AMER3: variants seen among roughly 807,000 people sequenced by gnomAD.
AMER3 encodes the protein APC membrane recruitment protein 3.
For missense variants in AMER3, 1,201 were observed against 1,139.4 expected (o/e 1.05, Z -0.78); for synonymous variants, 541 against 485.5 (o/e 1.11, Z -1.50).
At chr2:130,756,644 T>C (rs1678618845) in intron 1 of AMER3, among the ~76,000 whole-genome samples, 1 of 152,100 alleles carries the variant, frequency 6.6e-6, no homozygotes, top group South Asian at 2.1e-4. Flanking sequence ...AATATCGCTG[T>C]GAGGCCCATC....
Position 130,763,937 on chromosome 2 carries a change from C to T in AMER3, c.1865C>T (p.Ser622Leu), listed in dbSNP as rs541254437. The stretch of plus-strand genomic sequence containing the variant: ...TCCTCTATGGAGTCTGCAGCCACTT[C>T]GACAACAGATACTTCCGGTAAAAAT... ...LFSSMESAAT[S>L]TTDTSGKNKA... Residue 622 changes from serine (S) to leucine (L), a missense_variant, in exon 2 of 2, where the codon TCG becomes TTG. Coordinates refer to ENST00000321420, the MANE Select transcript of AMER3 (RefSeq NM_152698.3). The T allele has an allele frequency of 3.3e-5, 54 of 1,613,784 alleles. No homozygotes were observed. The highest frequency in any genetic ancestry group is 6.7e-5 in the African/African-American group (5 of 75,062).
Position 130,762,315 on chromosome 2 carries a change from C to A in AMER3, c.243C>A (p.Leu81=). The change falls in exon 2 of 2, where the codon CTC becomes CTA. Residue 81 remains leucine, a synonymous_variant. Transcript: ENST00000321420. ...QLDPKGGPAA[L]CGATFKPVRK... ...ACCCCAAAGGGGGACCCGCAGCCCT[C>A]TGTGGAGCCACCTTCAAACCGGTGC... 6.2e-7 allele frequency: 1 copy of A among 1,607,716 alleles called. No individual in the cohort carries two copies. Among genetic ancestry groups the A allele is most frequent in the Non-Finnish European group, 8.5e-7 (1 of 1,177,626 alleles).
At chr2:130,756,167 C>T (rs1443754565) in intron 1 of AMER3, 1 of 147,886 alleles carries the variant, frequency 6.8e-6, no homozygotes, top group African/African-American at 2.4e-5. Context: ...AGCGCCGGCC[C>T]GCCCCTCCCG....
chr2:130,759,734 G>C (rs537526104), intron 1 of AMER3, among the ~76,000 whole-genome samples: 2 of 152,328 alleles, frequency 1.3e-5, no homozygotes. Context: ...TTTATAGACT[G>C]TCAGGTTCAG....
Position 130,764,124 on chromosome 2 carries a change from G to A in AMER3, c.2052G>A (p.Lys684=), listed in dbSNP as rs767369230. Residue 684 remains lysine (K), a synonymous_variant, in exon 2 of 2, where the codon AAG becomes AAA. Transcript: ENST00000321420. ...AGCVARVAAL[K]ISSNEQPPAA... is the part of the protein sequence containing the mutation. ...GTGTGGCCCGTGTGGCAGCCCTGAA[G>A]ATCAGCTCAAACGAACAGCCCCCGG... is the stretch of plus-strand genomic sequence containing the variant. 4.3e-5 allele frequency: 70 copies of A among 1,611,968 alleles called. No homozygotes were observed. The highest frequency in any genetic ancestry group is 1.6e-4 in the Middle Eastern group (1 of 6,072).
rs946669359 is a variant in AMER3, at chr2:130,764,144, C to A, written c.2072C>A (p.Pro691His). The A allele has an allele frequency of 1.9e-6, 3 of 1,610,748 alleles. No individual in the cohort carries two copies. The highest frequency in any genetic ancestry group is 2.5e-6 in the Non-Finnish European group (3 of 1,178,542). ...CTGAAGATCAGCTCAAACGAACAGC[C>A]CCCGGCCGCATGGCCTCCAAGGCAA... Reference protein sequence around the residue: ...AALKISSNEQPPAAWPPRQDM... With the variant: ...AALKISSNEQHPAAWPPRQDM... The change falls in exon 2 of 2, where the codon CCC becomes CAC. Residue 691 changes from proline (P) to histidine (H), a missense_variant. By Grantham distance (77) the Pro-to-His change is moderately conservative (BLOSUM62 -2). Transcript: ENST00000321420.
chr2:130,758,227 G>T (rs1456330610), intron 1 of AMER3, among the ~76,000 whole-genome samples: 1 of 152,084 alleles, frequency 6.6e-6, no homozygotes, highest in Non-Finnish European at 1.5e-5. Context: ...AACTGGGCGT[G>T]GTGGTGCGTG....
chr2:130,761,340 C>A (rs1319822768), intron 1 of AMER3, among the ~76,000 whole-genome samples: 1 of 152,244 alleles, frequency 6.6e-6, no homozygotes, highest in African/African-American at 2.4e-5. Context: ...CATGGCACTG[C>A]AGGCATCAGT....
In AMER3 at chr2:130,763,896, C is replaced by T. The variant is rs982735094; in HGVS notation, c.1824C>T (p.His608=). ...CTCGAGAGGAAGAGACACGAGGTCA[C>T]TCTGAAGGCTTGTTCTCCTCTATGG... ...DASREEETRG[H]SEGLFSSMES... The change falls in exon 2 of 2, where the codon CAC becomes CAT. Residue 608 remains histidine (H), a synonymous_variant. Transcript: ENST00000321420. 1.9e-6 allele frequency: 3 copies of T among 1,613,488 alleles called. No homozygotes were observed. In the African/African-American group the frequency reaches 4.0e-5, roughly 22 times the overall value.
At chr2:130,756,164 GCCCGCCCCTCCCGCT>G (rs1246862565) in intron 1 of AMER3, 3 of 147,840 alleles carry the variant, frequency 2.0e-5, no homozygotes, top group African/African-American at 4.9e-5. Context: ...GCCAGCGCCG[GCCCGCCCCTCCCGCT>G]GGCCTCTGGC....
intron 1 of AMER3, 146 bp from the exon 2 acceptor site, chr2:130,761,908 C>G (rs1231208576): frequency 1.2e-6 from 1 of 810,080 alleles, no homozygotes; most frequent in Non-Finnish European, 1.9e-6. Flanking sequence ...AGGGCTGCTC[C>G]CATCTTTCTC....
intron 1 of AMER3, among the ~76,000 whole-genome samples, chr2:130,756,068 C>G (rs1014347574): frequency 5.4e-5 from 8 of 149,422 alleles, no homozygotes; most frequent in African/African-American, 1.9e-4. Flanking sequence ...CCGGCTCGAG[C>G]GCGGCCCGAG....
In AMER3 at chr2:130,764,515, C is replaced by G. The variant is rs774672370; in HGVS notation, c.2443C>G (p.Leu815Val). The G allele has an allele frequency of 3.1e-6, 5 of 1,602,692 alleles. No individual in the cohort carries two copies. In the South Asian group the frequency reaches 5.6e-5, roughly 18 times the overall value. The change falls in exon 2 of 2, where the codon CTC becomes GTC. Residue 815 changes from leucine (L) to valine (V), a missense_variant. Leu to Val is a conservative substitution (Grantham distance 32). Coordinates refer to ENST00000321420, the MANE Select transcript of AMER3 (RefSeq NM_152698.3). Reference sequence around the variant, plus strand: ...GGGCCACCATCCAGAAAGCCTGGGCCTCACTTTGAACAGCCAGCAGGAAGG... The same window carrying G: ...GGGCCACCATCCAGAAAGCCTGGGCGTCACTTTGAACAGCCAGCAGGAAGG... Reference protein sequence around the residue: ...SQGHHPESLGLTLNSQQEGGV... With the variant: ...SQGHHPESLGVTLNSQQEGGV...
intron 1 of AMER3, among the ~76,000 whole-genome samples, chr2:130,761,489 G>T (rs1408370463): frequency 2.0e-5 from 3 of 152,160 alleles, no homozygotes; most frequent in South Asian, 4.1e-4. Flanking sequence ...TGAAGTTCTG[G>T]GCTGTGTCTT....
Position 130,766,310 on chromosome 2 carries a change from G to A in AMER3, c.*1652G>A, listed in dbSNP as rs1161891826. The A allele has an allele frequency of 6.0e-6, 1 of 167,044 alleles. No individual in the cohort carries two copies. The highest frequency in any genetic ancestry group is 6.5e-5 in the Admixed American group (1 of 15,276). The allele number at this position is 167,044 out of a possible 1,614,324, so 10.3% of individuals were successfully genotyped here. Reference sequence around the variant, plus strand: ...CCAGTCTGGCCTACTCGCTGCCCCAGGACAGGTGGCTACAACATGCTGAGG... The same window carrying A: ...CCAGTCTGGCCTACTCGCTGCCCCAAGACAGGTGGCTACAACATGCTGAGG... On this transcript the variant is annotated 3_prime_UTR_variant, in exon 2 of 2. Transcript: ENST00000321420.
At chr2:130,760,711 G>T (rs796313507) in intron 1 of AMER3, among the ~76,000 whole-genome samples, 10 of 152,270 alleles carry the variant, frequency 6.6e-5, no homozygotes, top group African/African-American at 2.4e-4. Context: ...TGAGTCCAGG[G>T]CCTGAGGACA....
At position 130,763,438 on chromosome 2, in the gene AMER3, C is replaced by A; in HGVS notation, c.1366C>A (p.Pro456Thr). Residue 456 changes from proline (P) to threonine (T), a missense_variant, in exon 2 of 2, where the codon CCA becomes ACA. By Grantham distance (38) the Pro-to-Thr change is conservative (BLOSUM62 -1). Transcript: ENST00000321420. ...ESLSGPALGTPLSICSFRVGA... is the reference protein window; with the variant it reads ...ESLSGPALGTTLSICSFRVGA... ...TCTGTCAGGGCCGGCCCTGGGGACG[C>A]CACTGTCCATATGCAGCTTCCGAGT... 1 of 1,613,026 alleles carries A rather than the reference C, an allele frequency of 6.2e-7. No individual in the cohort carries two copies. Among genetic ancestry groups the A allele is most frequent in the Non-Finnish European group, 8.5e-7 (1 of 1,180,002 alleles).
rs979082118 is a variant in AMER3 at position 130,767,438 on chromosome 2, A to C, written c.*2780A>C. 1 of 166,264 alleles carries C rather than the reference A, an allele frequency of 6.0e-6. No homozygotes were observed. Among genetic ancestry groups the C allele is most frequent in the African/African-American group, 2.4e-5 (1 of 41,158 alleles). The allele number at this position is 166,264 out of a possible 1,614,324, so 10.3% of individuals were successfully genotyped here. On this transcript the variant is annotated 3_prime_UTR_variant, in exon 2 of 2. Coordinates refer to ENST00000321420, the MANE Select transcript of AMER3 (RefSeq NM_152698.3). ...TGCTGTCCTGGCTCGAGAAGAAGGC[A>C]GCACAGGATCTGTAGCTGAGGGTGG...
Position 130,764,180 on chromosome 2 carries a change from G to A in AMER3, c.2108G>A (p.Ser703Asn), listed in dbSNP as rs773934949. ...AAWPPRQDMGSGLFGQRWARG... is the reference protein window; with the variant it reads ...AAWPPRQDMGNGLFGQRWARG... ...TGGCCTCCAAGGCAAGACATGGGCA[G>A]TGGGCTCTTTGGGCAGCGCTGGGCC... The change falls in exon 2 of 2, where the codon AGT becomes AAT. Residue 703 changes from serine to asparagine, a missense_variant. By Grantham distance (46) the Ser-to-Asn change is conservative. Transcript: ENST00000321420. 14 of 1,608,172 alleles carry A rather than the reference G, an allele frequency of 8.7e-6. No homozygotes were observed. In the African/African-American group the frequency reaches 1.6e-4, roughly 18 times the overall value.
Sources: gnomAD v4.1 joint callset for allele counts (sites outside exome capture counted in the v4.1 genomes callset) on GRCh38, gnomAD v4.1.1 for gene constraint, MANE v1.5 for transcripts, NCBI Gene and HGNC (gene_info 2026-07-23, HGNC 2026-07-21) for gene names.